Variants in ANO4 observed in about 807,000 individuals in gnomAD.
The protein encoded by ANO4 is anoctamin-4.
In ANO4, 69 loss-of-function variants were observed where a neutral mutation model predicts 141.9. That is an observed-to-expected ratio of 0.49 (90% CI 0.40 to 0.59). ANO4 has a LOEUF of 0.59. Ranked by LOEUF, ANO4 falls within the 20% of genes least tolerant of loss-of-function variation. The pLI is 0.00. For synonymous variants in ANO4, 350 were observed against 394.3 expected (o/e 0.89, Z 1.33); for missense variants, 894 against 1,162.2 (o/e 0.77, Z 3.36).
intron 14 of ANO4, among the ~76,000 whole-genome samples, chr12:101,063,745 CTTTTTTTTTTTTTTTTTTTTT>C: frequency 4.0e-5 from 1 of 24,798 alleles, no homozygotes; most frequent in South Asian, 3.1e-3. Context: ...TCCAGGTTAT[CTTTTTTTTTTTTTTTTTTTTT>C]TTTTTTTTTT....
intron 1 of ANO4, among the ~76,000 whole-genome samples, chr12:100,889,543 C>G (rs2040004648): frequency 6.6e-6 from 1 of 152,088 alleles, no homozygotes; most frequent in African/African-American, 2.4e-5. Flanking sequence ...AACAAATTTA[C>G]AAGAAAAAAA....
intron 3 of ANO4, among the ~76,000 whole-genome samples, chr12:100,777,436 A>G (rs534999695): frequency 5.3e-5 from 8 of 151,600 alleles, no homozygotes; most frequent in Non-Finnish European, 1.2e-4. Context: ...CCTGATTTCT[A>G]TGCCTTTTCA....
intron 2 of ANO4, among the ~76,000 whole-genome samples, chr12:100,912,625 A>G (rs1220228397): frequency 6.6e-6 from 1 of 152,064 alleles, no homozygotes; most frequent in Non-Finnish European, 1.5e-5. Flanking sequence ...TAAGAGTGAA[A>G]TTTTGGGGGC....
chr12:100,920,743 C>G (rs891424526), intron 2 of ANO4, among the ~76,000 whole-genome samples: 1 of 152,114 alleles, frequency 6.6e-6, no homozygotes, highest in African/African-American at 2.4e-5. Context: ...CCTGGGGTCT[C>G]AAGGAAAGGA....
intron 5 of ANO4, among the ~76,000 whole-genome samples, chr12:100,952,071 T>C (rs1048647174): frequency 6.6e-6 from 1 of 152,176 alleles, no homozygotes; most frequent in Non-Finnish European, 1.5e-5. Flanking sequence ...TTTGTTGTAG[T>C]GTCTAGGGGG....
At position 100,802,114 on chromosome 12, in the gene ANO4, C is replaced by T. The variant is rs545632954; in HGVS notation, c.-141+7087C>T. 2.0e-5 allele frequency among the ~76,000 whole-genome samples: 3 copies of T among 152,252 alleles called. No homozygotes were observed. In the East Asian group the frequency reaches 5.8e-4, roughly 29 times the overall value. ...CAGTTTAGACCTGAAGGGAGTTTAG[C>T]ATTGAGATCACTGAGGTGCCTGTTA... On this transcript the variant is annotated intron_variant, in intron 1 of 27. Transcript: ENST00000392977.
chr12:101,087,548 C>CT (rs1455039638), intron 17 of ANO4, among the ~76,000 whole-genome samples: 2 of 151,974 alleles, frequency 1.3e-5, no homozygotes, highest in Admixed American at 6.6e-5. Flanking sequence ...AAACAAAAAC[C>CT]AAAGCATTCC....
At chr12:101,050,569 G>A (rs76391683) in intron 14 of ANO4, among the ~76,000 whole-genome samples, 8,076 of 152,134 alleles carry the variant, frequency 0.053, 248 homozygotes, top group East Asian at 0.11. Flanking sequence ...TCACAAATGA[G>A]GGGACTCTGG....
In ANO4 at chr12:100,938,242, T is replaced by C. The variant is rs189979659; in HGVS notation, c.161-1073T>C. Among the ~76,000 whole-genome samples the C allele has an allele frequency of 3.2e-4, 49 of 152,358 alleles. No individual in the cohort carries two copies. In the East Asian group the frequency reaches 7.1e-3, roughly 22 times the overall value. On this transcript the variant is annotated intron_variant, in intron 3 of 27. Coordinates refer to ENST00000392977, the MANE Select transcript of ANO4 (RefSeq NM_001286615.2). ...TATATCCAAACTCTGCTCTTTTCAT[T>C]AGAGAATTCACCACAAGTTACGTGT...
At chr12:100,809,611 A>G (rs2035274878) in intron 1 of ANO4, among the ~76,000 whole-genome samples, 1 of 152,182 alleles carries the variant, frequency 6.6e-6, no homozygotes, top group African/African-American at 2.4e-5. Flanking sequence ...TGGGGCATGA[A>G]TCAGTTACAA....
chr12:100,775,873 C>T (rs1198732212), intron 3 of ANO4, among the ~76,000 whole-genome samples: 1 of 151,620 alleles, frequency 6.6e-6, no homozygotes, highest in Non-Finnish European at 1.5e-5. Context: ...GGCTTTCCCC[C>T]AGCTGTTGTG....
At chr12:100,971,465 C>T in intron 6 of ANO4, 59 bp downstream of exon 6, 1 of 1,227,828 alleles carries the variant, frequency 8.1e-7, no homozygotes, top group Admixed American at 1.9e-5. Context: ...ATCTAATGTT[C>T]TCCTCTCTCA....
chr12:101,127,416 C>A (rs771237328), intron 27 of ANO4, among the ~76,000 whole-genome samples: 1 of 152,080 alleles, frequency 6.6e-6, no homozygotes, highest in Non-Finnish European at 1.5e-5. Flanking sequence ...GGGAAACATG[C>A]CCCTTCTTTC....
intron 1 of ANO4, among the ~76,000 whole-genome samples, chr12:100,888,169 T>C (rs992528010): frequency 8.5e-4 from 129 of 152,334 alleles, no homozygotes; most frequent in African/African-American, 3.0e-3. Flanking sequence ...TGTGATGTAT[T>C]TGAGAACCTT....
At chr12:100,981,827 C>A (rs1592917922) in intron 7 of ANO4, among the ~76,000 whole-genome samples, 1 of 152,224 alleles carries the variant, frequency 6.6e-6, no homozygotes, top group East Asian at 1.9e-4. Context: ...ATGTTGGGAG[C>A]AAGATCCTTT....
chr12:100,981,618 G>T (rs71464250), intron 7 of ANO4, among the ~76,000 whole-genome samples: 6 of 152,132 alleles, frequency 3.9e-5, no homozygotes, highest in Non-Finnish European at 5.9e-5. Context: ...CTTTACTGGG[G>T]AAAAGTAGGT....
At chr12:100,811,419 A>G (rs1290224328) in intron 1 of ANO4, among the ~76,000 whole-genome samples, 1 of 152,182 alleles carries the variant, frequency 6.6e-6, no homozygotes, top group East Asian at 1.9e-4. Context: ...ATTTTTGTAA[A>G]TCAGGTGATG....
At chr12:101,021,680 C>T (rs994288112) in intron 9 of ANO4, among the ~76,000 whole-genome samples, 8 of 152,056 alleles carry the variant, frequency 5.3e-5, no homozygotes, top group South Asian at 2.1e-4. Flanking sequence ...AATAATTTTG[C>T]GTTGACCATT....
At chr12:101,090,748 A>G (rs535895254) in intron 17 of ANO4, among the ~76,000 whole-genome samples, 367 of 152,290 alleles carry the variant, frequency 2.4e-3, no homozygotes, top group Non-Finnish European at 4.3e-3. Context: ...AAATTAAAAA[A>G]AAAGAAAGAA....
Sources: allele counts gnomAD v4.1 joint callset (sites outside exome capture counted in the v4.1 genomes callset), GRCh38; gene constraint gnomAD v4.1.1; transcripts MANE v1.5; gene names NCBI Gene and HGNC (gene_info 2026-07-23, HGNC 2026-07-21).